GOLGA4: variants seen among roughly 807,000 people sequenced by gnomAD.
The protein encoded by GOLGA4 is golgin subfamily A member 4.
A neutral mutation model predicts 265.9 loss-of-function variants in GOLGA4; 169 were observed. The observed-to-expected ratio is 0.64, with a 90% CI of 0.56 to 0.72. The LOEUF is 0.72. Among genes scored for constraint, GOLGA4 ranks in the 30% least tolerant of loss-of-function variants. The pLI is 0.00. For synonymous variants in GOLGA4, 923 were observed against 855.8 expected, an observed-to-expected ratio of 1.08 and a Z score of -1.37; for missense variants, 2,482 against 2,483.4, an observed-to-expected ratio of 1.00 and a Z score of 0.01.
intron 4 of GOLGA4, among the ~76,000 whole-genome samples, chr3:37,288,711 C>T (rs1458277494): frequency 3.3e-5 from 5 of 151,830 alleles, no homozygotes; most frequent in African/African-American, 7.3e-5. Context: ...ATCTCCTGAC[C>T]TCGTGATCCA....
At chr3:37,310,143 C>G (rs1374863168) in intron 10 of GOLGA4, among the ~76,000 whole-genome samples, 2 of 152,174 alleles carry the variant, frequency 1.3e-5, no homozygotes, top group African/African-American at 4.8e-5. Flanking sequence ...GGTTAACAGC[C>G]TTTTCACACT....
intron 10 of GOLGA4, among the ~76,000 whole-genome samples, chr3:37,307,088 A>T (rs149660731): frequency 1.6e-4 from 25 of 152,268 alleles, no homozygotes; most frequent in African/African-American, 6.0e-4. Context: ...TAGATTAGGG[A>T]AGTTTCTAGA....
chr3:37,327,458 G>A lies in GOLGA4; in HGVS notation c.5572G>A (p.Glu1858Lys). 6.2e-7 allele frequency: 1 copy of A among 1,613,090 alleles called. No homozygotes were observed. Among genetic ancestry groups the A allele is most frequent in the East Asian group, 2.2e-5 (1 of 44,884 alleles). ...TCAGATTTTGGAGCAAAAGATAAAA[G>A]AGCTGGATTCCTGCTTAGTAAGACA... Reference protein sequence around the residue: ...TCQILEQKIKELDSCLVRQKE... With the variant: ...TCQILEQKIKKLDSCLVRQKE... Residue 1858 changes from glutamate (E) to lysine (K), a missense_variant, in exon 14 of 24, where the codon GAG becomes AAG. Glu to Lys is a moderately conservative substitution (Grantham distance 56, BLOSUM62 1). Transcript: ENST00000361924.
intron 10 of GOLGA4, among the ~76,000 whole-genome samples, chr3:37,311,867 TAGC>T (rs1158167219): frequency 1.3e-5 from 2 of 152,210 alleles, no homozygotes; most frequent in Admixed American, 1.3e-4. Context: ...AAAACTTAAT[TAGC>T]AGAAAATTAT....
At chr3:37,350,042 T>A (rs947470683) in intron 21 of GOLGA4, among the ~76,000 whole-genome samples, 2 of 152,172 alleles carry the variant, frequency 1.3e-5, no homozygotes, top group Admixed American at 6.6e-5. Context: ...GTTCTCCTTT[T>A]CAACATAAAG....
intron 21 of GOLGA4, among the ~76,000 whole-genome samples, chr3:37,352,317 G>A (rs941399050): frequency 6.6e-6 from 1 of 152,046 alleles, no homozygotes; most frequent in East Asian, 1.9e-4. Context: ...TTCTTCACAT[G>A]ATGGCAGAAA....
chr3:37,309,145 G>A (rs1366807500), intron 10 of GOLGA4, among the ~76,000 whole-genome samples: 3 of 151,644 alleles, frequency 2.0e-5, no homozygotes, highest in Non-Finnish European at 2.9e-5. Context: ...CCAGCTACTC[G>A]GGAAGTTGAG....
At chr3:37,260,153 G>A (rs1403928282) in intron 2 of GOLGA4, among the ~76,000 whole-genome samples, 2 of 122,934 alleles carry the variant, frequency 1.6e-5, no homozygotes, top group Non-Finnish European at 3.3e-5. Flanking sequence ...AATAGTTGAT[G>A]AGCTAAAAAA....
chr3:37,268,450 T>TA (rs542814052), intron 2 of GOLGA4, among the ~76,000 whole-genome samples: 119 of 148,652 alleles, frequency 8.0e-4, no homozygotes, highest in African/African-American at 1.4e-3. Flanking sequence ...TAGAAGCTAT[T>TA]AAAAAAAAAA....
At chr3:37,343,376 C>T (rs1011673913) in intron 20 of GOLGA4, among the ~76,000 whole-genome samples, 29 of 152,172 alleles carry the variant, frequency 1.9e-4, no homozygotes, top group Non-Finnish European at 4.0e-4. Flanking sequence ...CTGCCTCGGC[C>T]TCCCAAAGTG....
At chr3:37,278,571 T>G (rs1023681034) in intron 2 of GOLGA4, among the ~76,000 whole-genome samples, 6 of 152,114 alleles carry the variant, frequency 3.9e-5, no homozygotes, top group Non-Finnish European at 8.8e-5. Flanking sequence ...ATACAAAAAC[T>G]TGAATGAGTC....
At chr3:37,323,116 C>CTTTTTT (rs567838649) in intron 13 of GOLGA4, among the ~76,000 whole-genome samples, 2 of 114,148 alleles carry the variant, frequency 1.8e-5, no homozygotes, top group African/African-American at 3.2e-5. Context: ...TTCCTTTTGT[C>CTTTTTT]TTTTTTTTTT....
chr3:37,320,998 G>T (rs1025648998), intron 12 of GOLGA4, among the ~76,000 whole-genome samples: 1 of 152,124 alleles, frequency 6.6e-6, no homozygotes, highest in Non-Finnish European at 1.5e-5. Flanking sequence ...TAGTGCACTT[G>T]AGTATAGTGA....
In GOLGA4 at chr3:37,324,653, G is replaced by T. The variant is rs2096964718; in HGVS notation, c.2767G>T (p.Glu923Ter). 2.5e-6 allele frequency: 4 copies of T among 1,612,806 alleles called. No individual in the cohort carries two copies. The highest frequency in any genetic ancestry group is 3.4e-6 in the Non-Finnish European group (4 of 1,179,542). The change falls in exon 14 of 24, where the codon GAA becomes TAA. Residue 923 changes from glutamate (E) to a stop codon, truncating the protein, a stop_gained. Transcript: ENST00000361924. LOFTEE classifies it high-confidence loss of function. Reference protein sequence around the residue: ...ILQMREGQKKEIEILTQKLSA... With the variant: ...ILQMREGQKK ...ACAAATGAGAGAAGGACAGAAGAAA[G>T]AAATTGAGATACTCACACAGAAATT... is the stretch of plus-strand genomic sequence containing the variant.
At chr3:37,357,263 C>G (rs1166470896) in intron 22 of GOLGA4, among the ~76,000 whole-genome samples, 1 of 152,088 alleles carries the variant, frequency 6.6e-6, no homozygotes, top group Non-Finnish European at 1.5e-5. Context: ...TCTACTATTC[C>G]TTTAAGCAAA....
intron 21 of GOLGA4, among the ~76,000 whole-genome samples, chr3:37,352,546 G>A (rs2097077852): frequency 6.6e-6 from 1 of 151,924 alleles, no homozygotes; most frequent in South Asian, 2.1e-4. Flanking sequence ...GCTTTACCTT[G>A]CAATTTTATG....
At chr3:37,321,156 A>G (rs910549717) in intron 12 of GOLGA4, among the ~76,000 whole-genome samples, 10 of 152,210 alleles carry the variant, frequency 6.6e-5, no homozygotes, top group Non-Finnish European at 1.3e-4. Context: ...TTCTTAAAAC[A>G]CTAAACACTT....
chr3:37,296,124 T>C lies in GOLGA4; in HGVS notation c.719T>C (p.Met240Thr). 1.9e-6 allele frequency: 3 copies of C among 1,613,570 alleles called. No individual in the cohort carries two copies. Among genetic ancestry groups the C allele is most frequent in the Non-Finnish European group, 2.5e-6 (3 of 1,179,472 alleles). ...AAACAACGATTACGAAATGGCCCGA[T>C]GAATGTTGATGTACTGAAACCACTT... Reference protein sequence around the residue: ...LLKQRLRNGPMNVDVLKPLPQ... With the variant: ...LLKQRLRNGPTNVDVLKPLPQ... Residue 240 changes from methionine to threonine, a missense_variant, in exon 7 of 24, where the codon ATG becomes ACG. Physicochemically the swap from Met to Thr is moderately conservative, Grantham distance 81 (BLOSUM62 -1). Coordinates refer to ENST00000361924, the MANE Select transcript of GOLGA4 (RefSeq NM_002078.5).
chr3:37,336,323 A>AT (rs1158873651), intron 17 of GOLGA4, among the ~76,000 whole-genome samples: 1 of 152,180 alleles, frequency 6.6e-6, no homozygotes, highest in Non-Finnish European at 1.5e-5. Flanking sequence ...ACTGTCTAAC[A>AT]TGAGCGTTTC....
Sources: gnomAD v4.1 joint callset for allele counts (sites outside exome capture counted in the v4.1 genomes callset) on GRCh38, gnomAD v4.1.1 for gene constraint, MANE v1.5 for transcripts, NCBI Gene and HGNC (gene_info 2026-07-23, HGNC 2026-07-21) for gene names.